The following SENP5 variants were observed in gnomAD, a reference collection of about 807,000 sequenced individuals.
SENP5 encodes the protein sentrin-specific protease 5.
In SENP5, 21 loss-of-function variants were observed where a neutral mutation model predicts 74.2. That is an observed-to-expected ratio of 0.28 (90% CI 0.20 to 0.41). The LOEUF (loss-of-function observed/expected upper bound fraction) is 0.41, where lower values mean the gene tolerates loss of function less well. Ranked by LOEUF, SENP5 falls within the 10% of genes least tolerant of loss-of-function variation. The pLI is 1.00. For synonymous variants in SENP5, 311 were observed against 312.7 expected, an observed-to-expected ratio of 0.99 and a Z score of 0.06; for missense variants, 717 against 889.1, an observed-to-expected ratio of 0.81 and a Z score of 2.46.
intron 6 of SENP5, among the ~76,000 whole-genome samples, chr3:196,915,770 A>G (rs1312897381): frequency 6.6e-6 from 1 of 152,146 alleles, no homozygotes; most frequent in African/African-American, 2.4e-5. Flanking sequence ...AATCTAGGAA[A>G]TTCCTCTCCA....
chr3:196,905,133 C>T (rs1258602768), intron 6 of SENP5: 1 of 152,182 alleles, frequency 6.6e-6, no homozygotes, highest in Admixed American at 6.5e-5. Context: ...CTCCTGACCT[C>T]AGGCAGGTGA....
rs779310479 is a variant in SENP5, at chr3:196,885,601, TACTG to T, written c.424_427del (p.Asp142PhefsTer7). The stretch of plus-strand genomic sequence containing the variant: ...GAGAGAAAAATCTCTTGAAGGCAGT[TACTG>T]ACTTTCCATCAAATAGTGCTTTAGG... On this transcript the variant is annotated frameshift_variant, in exon 2 of 10. Transcript: ENST00000323460. LOFTEE classifies it high-confidence loss of function. 6.2e-7 allele frequency: 1 copy of T among 1,614,174 alleles called. No homozygotes were observed. The highest frequency in any genetic ancestry group is 1.1e-5 in the South Asian group (1 of 91,082).
intron 1 of SENP5, among the ~76,000 whole-genome samples, chr3:196,871,731 C>G (rs753205335): frequency 2.6e-5 from 4 of 151,470 alleles, no homozygotes; most frequent in African/African-American, 4.9e-5. Flanking sequence ...GGCACACACT[C>G]GTACTCCTAG....
At chr3:196,925,996 T>C (rs1317696707) in intron 7 of SENP5, among the ~76,000 whole-genome samples, 1 of 152,196 alleles carries the variant, frequency 6.6e-6, no homozygotes, top group Non-Finnish European at 1.5e-5. Flanking sequence ...AAGGGGCCTG[T>C]ATTTCCAAAG....
intron 2 of SENP5, among the ~76,000 whole-genome samples, chr3:196,892,611 T>C (rs1714258274): frequency 6.6e-6 from 1 of 152,166 alleles, no homozygotes; most frequent in African/African-American, 2.4e-5. Flanking sequence ...CAAGACACAG[T>C]ACATTATTAT....
chr3:196,882,566 C>T (rs1195822256), intron 1 of SENP5, among the ~76,000 whole-genome samples: 3 of 152,044 alleles, frequency 2.0e-5, no homozygotes, highest in South Asian at 2.1e-4. Flanking sequence ...TGCAGTGGTG[C>T]GATCTCAGTT....
intron 6 of SENP5, chr3:196,913,471 G>C (rs1249776578): frequency 6.6e-6 from 1 of 150,546 alleles, no homozygotes; most frequent in African/African-American, 2.4e-5. Context: ...TCGGGAGGCT[G>C]AGGCAGAGAA....
Position 196,886,049 on chromosome 3 carries a change from C to A in SENP5, c.868C>A (p.Pro290Thr), listed in dbSNP as rs1170138075. 4 of 1,614,030 alleles carry A rather than the reference C, an allele frequency of 2.5e-6. No homozygotes were observed. Among genetic ancestry groups the A allele is most frequent in the Middle Eastern group, 1.6e-4 (1 of 6,084 alleles). Residue 290 changes from proline (P) to threonine (T), a missense_variant, in exon 2 of 10, where the codon CCA becomes ACA. Pro to Thr is a conservative substitution (Grantham distance 38). Coordinates refer to ENST00000323460, the MANE Select transcript of SENP5 (RefSeq NM_152699.5). ...RENGEGGSCS[P>T]FPSPEPKDPS... Reference sequence around the variant, plus strand: ...GAACGGTGAGGGTGGCAGTTGCAGCCCATTTCCTTCCCCAGAACCTAAAGA... The same window carrying A: ...GAACGGTGAGGGTGGCAGTTGCAGCACATTTCCTTCCCCAGAACCTAAAGA...
At chr3:196,897,756 C>G (rs1312581832) in intron 2 of SENP5, among the ~76,000 whole-genome samples, 1 of 152,218 alleles carries the variant, frequency 6.6e-6, no homozygotes, top group Non-Finnish European at 1.5e-5. Flanking sequence ...ACTTAACCGT[C>G]AGACTGATGG....
chr3:196,920,729 CA>C (rs1161978231), intron 6 of SENP5, among the ~76,000 whole-genome samples: 1 of 152,218 alleles, frequency 6.6e-6, no homozygotes, highest in African/African-American at 2.4e-5. Flanking sequence ...GCTTTTCCTG[CA>C]TCTAAGCAGA....
intron 9 of SENP5, among the ~76,000 whole-genome samples, chr3:196,930,065 G>A (rs1000455532): frequency 1.3e-5 from 2 of 151,802 alleles, no homozygotes; most frequent in Non-Finnish European, 2.9e-5. Flanking sequence ...TAAGGTCCAC[G>A]TTGAGAAACT....
chr3:196,934,311 C>T lies in SENP5; in HGVS notation c.*3388C>T, dbSNP rs1489733097. ...GCCTCATCTTAGCTGCCCCTTTTCT[C>T]TGCTTTGCAGTTTACTGCTTCCCTG... On this transcript the variant is annotated 3_prime_UTR_variant, in exon 10 of 10. Transcript: ENST00000323460. The T allele has an allele frequency of 6.6e-6, 1 of 152,298 alleles. No individual in the cohort carries two copies. Among genetic ancestry groups the T allele is most frequent in the African/African-American group, 2.4e-5 (1 of 41,468 alleles). 9.4% of individuals were successfully genotyped at this position (152,298 alleles called of 1,614,324 possible). A position where few individuals can be genotyped will look rare whatever the true frequency, so the allele number is the denominator to read the frequency against.
At chr3:196,878,525 C>G (rs966321783) in intron 1 of SENP5, among the ~76,000 whole-genome samples, 4 of 152,120 alleles carry the variant, frequency 2.6e-5, no homozygotes, top group African/African-American at 9.7e-5. Flanking sequence ...TTCCCATTCA[C>G]CAAAAGCAGC....
At chr3:196,927,636 TAAAAAA>T (rs10663759) in intron 7 of SENP5, among the ~76,000 whole-genome samples, 154 bp from the exon 8 acceptor site, 2 of 136,036 alleles carry the variant, frequency 1.5e-5, no homozygotes, top group East Asian at 2.2e-4. Context: ...ATCCTCTCTT[TAAAAAA>T]AAAAAAAAAA....
chr3:196,926,095 C>T (rs1042115851), intron 7 of SENP5, among the ~76,000 whole-genome samples: 2 of 152,114 alleles, frequency 1.3e-5, no homozygotes, highest in African/African-American at 4.8e-5. Flanking sequence ...CACTAGTGTC[C>T]CCAGCACTTG....
chr3:196,891,594 A>G (rs190315902), intron 2 of SENP5, among the ~76,000 whole-genome samples: 2 of 152,268 alleles, frequency 1.3e-5, no homozygotes, highest in Admixed American at 6.5e-5. Context: ...AGCGATATAA[A>G]TACATAGAGG....
intron 7 of SENP5, among the ~76,000 whole-genome samples, chr3:196,926,638 C>CT (rs1321964357): frequency 7.8e-5 from 10 of 128,830 alleles, no homozygotes; most frequent in Admixed American, 2.3e-4. Context: ...TTCCAGTCCA[C>CT]CTTTTTTTTT....
Position 196,867,958 on chromosome 3 carries a change from G to T in SENP5, c.-147G>T, listed in dbSNP as rs1712999607. 6.6e-6 allele frequency: 1 copy of T among 152,184 alleles called. No individual in the cohort carries two copies. Among genetic ancestry groups the T allele is most frequent in the African/African-American group, 2.4e-5 (1 of 41,446 alleles). 9.4% of individuals were successfully genotyped at this position (152,184 alleles called of 1,614,324 possible). On this transcript the variant is annotated 5_prime_UTR_variant, in exon 1 of 10. Transcript: ENST00000323460. ...CGGCTGTGGCCGCGGCGAACAGGCC[G>T]GACGCCTCGTCGCTGGCGGGGCTTC... is the stretch of plus-strand genomic sequence containing the variant.
Position 196,900,412 on chromosome 3 carries a change from A to T in SENP5, c.1806A>T (p.Lys602Asn). The T allele has an allele frequency of 6.2e-7, 1 of 1,604,692 alleles. No individual in the cohort carries two copies. Among genetic ancestry groups the T allele is most frequent in the Non-Finnish European group, 8.5e-7 (1 of 1,175,426 alleles). Residue 602 changes from lysine to asparagine, a missense_variant and splice_region_variant, in exon 5 of 10, where the codon AAA becomes AAT. By Grantham distance (94) the Lys-to-Asn change is moderately conservative. Coordinates refer to ENST00000323460, the MANE Select transcript of SENP5 (RefSeq NM_152699.5). ...TGATAATGGATGCAGTCCCAGACAA[A>T]GTAAGTGAAAACTTCCTCTTCTGCA... ...GELIMDAVPD[K>N]VHFFNSFFHR...
Sources: allele counts gnomAD v4.1 joint callset (sites outside exome capture counted in the v4.1 genomes callset), GRCh38; gene constraint gnomAD v4.1.1; transcripts MANE v1.5; gene names NCBI Gene and HGNC (gene_info 2026-07-23, HGNC 2026-07-21).